The following CEP104 variants were observed in gnomAD, a reference collection of about 807,000 sequenced individuals.
CEP104 encodes the protein centrosomal protein 104.
A neutral mutation model predicts 113.3 loss-of-function variants in CEP104; 84 were observed. The ratio of observed to expected loss-of-function variants is 0.74; its 90% CI spans 0.62 to 0.89. The LOEUF (loss-of-function observed/expected upper bound fraction) is 0.89. CEP104 is among the 40% of genes least tolerant of loss of function. The pLI is 0.00. For missense variants in CEP104, 1,053 were observed against 1,156.6 expected (o/e 0.91, Z 1.30); for synonymous variants, 378 against 421.7 (o/e 0.90, Z 1.27).
chr1:3,813,808 C>T lies in CEP104; in HGVS notation c.*1594G>A, dbSNP rs1643833210. 1 of 151,992 alleles carries T rather than the reference C, an allele frequency of 6.6e-6. No homozygotes were observed. The highest frequency in any genetic ancestry group is 2.1e-4 in the South Asian group (1 of 4,808). 9.4% of individuals were successfully genotyped at this position (151,992 alleles called of 1,614,324 possible). On this transcript the variant is annotated 3_prime_UTR_variant, in exon 22 of 22. Coordinates refer to ENST00000378230, the MANE Select transcript of CEP104 (RefSeq NM_014704.4). Reference sequence around the variant, plus strand: ...GAGGTTACTGTGAGCCAAGATCACGCCATTGCACTGCAGCCCGGGCGACAC... The same window carrying T: ...GAGGTTACTGTGAGCCAAGATCACGTCATTGCACTGCAGCCCGGGCGACAC...
chr1:3,845,551 G>C (rs1644491500), intron 4 of CEP104, among the ~76,000 whole-genome samples, 200 bp from the exon 5 acceptor site: 1 of 152,112 alleles, frequency 6.6e-6, no homozygotes, highest in African/African-American at 2.4e-5. Flanking sequence ...GACTACAGGT[G>C]TGAGCCACCA....
rs928324801 is a variant in CEP104, at chr1:3,852,513, C to A, written c.-14-92G>T. 1.8e-5 allele frequency: 19 copies of A among 1,069,716 alleles called. No individual in the cohort carries two copies. In the African/African-American group the frequency reaches 2.4e-4, roughly 13 times the overall value. 66.3% of individuals were successfully genotyped at this position (1,069,716 alleles called of 1,614,324 possible). A position where few individuals can be genotyped will look rare whatever the true frequency, so the allele number is the denominator to read the frequency against. ...GGTTGGTTCATGCCTTGCTAACACACACAATAATGCACTAAGTATTCAGAA... is the reference window on the plus strand; with the variant it reads ...GGTTGGTTCATGCCTTGCTAACACAAACAATAATGCACTAAGTATTCAGAA... On this transcript the variant is annotated intron_variant, in intron 1 of 21. Coordinates refer to ENST00000378230, the MANE Select transcript of CEP104 (RefSeq NM_014704.4).
chr1:3,815,690 T>A (rs970156430), intron 21 of CEP104, among the ~76,000 whole-genome samples, 173 bp from the exon 22 acceptor site: 1 of 20,696 alleles, frequency 4.8e-5, no homozygotes, highest in African/African-American at 1.1e-3. Flanking sequence ...CAGCTTCCTA[T>A]TTTTTTTTTT....
chr1:3,845,372 C>A, intron 4 of CEP104, 21 bp from the exon 5 acceptor site: 1 of 1,523,538 alleles, frequency 6.6e-7, no homozygotes, highest in Non-Finnish European at 9.1e-7. Context: ...GTTAAAATAA[C>A]AGAATTAAAT....
chr1:3,847,287 G>T (rs1644524555), intron 4 of CEP104, among the ~76,000 whole-genome samples, 188 bp downstream of exon 4: 1 of 152,190 alleles, frequency 6.6e-6, no homozygotes, highest in Admixed American at 6.5e-5. Context: ...AGTTCGTGGT[G>T]GGCACTGGCC....
Position 3,814,030 on chromosome 1 carries a change from T to C in CEP104, c.*1372A>G, listed in dbSNP as rs1643836392. 1 of 152,242 alleles carries C rather than the reference T, an allele frequency of 6.6e-6. No homozygotes were observed. Among genetic ancestry groups the C allele is most frequent in the Non-Finnish European group, 1.5e-5 (1 of 68,056 alleles). 9.4% of individuals were successfully genotyped at this position (152,242 alleles called of 1,614,324 possible). The stretch of plus-strand genomic sequence containing the variant: ...AGGGAGTACATTGTTCAAATCGGGA[T>C]TAGTTTTTAGATATTTTGTTGTTTC... On this transcript the variant is annotated 3_prime_UTR_variant, in exon 22 of 22. Coordinates refer to ENST00000378230, the MANE Select transcript of CEP104 (RefSeq NM_014704.4).
At chr1:3,850,347 G>A (rs1314863318) in intron 2 of CEP104, among the ~76,000 whole-genome samples, 1 of 152,324 alleles carries the variant, frequency 6.6e-6, no homozygotes, top group African/African-American at 2.4e-5. Context: ...ATCCCTTCAA[G>A]ATAAATTGAC....
In CEP104 at chr1:3,848,613, T is replaced by C. The variant is rs927458775; in HGVS notation, c.282A>G (p.Arg94=). The C allele has an allele frequency of 6.2e-7, 1 of 1,607,078 alleles. No homozygotes were observed. Among genetic ancestry groups the C allele is most frequent in the Admixed American group, 1.7e-5 (1 of 57,976 alleles). Residue 94 remains arginine (R), a synonymous_variant, in exon 3 of 22, where the codon AGA becomes AGG. Coordinates refer to ENST00000378230, the MANE Select transcript of CEP104 (RefSeq NM_014704.4). ...ATTTTAAATTTCATTCTTACCCAAG[T>C]CTTCGAAACCGCTCTGCTTGATAGG... ...FAPYQAERFR[R]LGYVSLCDNE... is the part of the protein sequence containing the mutation.
At chr1:3,830,724 C>T (rs887829229) in intron 13 of CEP104, among the ~76,000 whole-genome samples, 4 of 148,486 alleles carry the variant, frequency 2.7e-5, no homozygotes, top group African/African-American at 1.0e-4. Flanking sequence ...TGCAGTGAGC[C>T]GAGATGGCAC....
In CEP104 at chr1:3,815,689, ATT is replaced by A. The variant is rs35136906; in HGVS notation, c.2663-174_2663-173del. On this transcript the variant is annotated intron_variant, in intron 21 of 21. Transcript: ENST00000378230. ...AGTAGGGTCTACTCTTCAGCTTCCT[ATT>A]TTTTTTTTTTTTGTTGAGACAGAGT... 1.2e-3 allele frequency among the ~76,000 whole-genome samples: 178 copies of A among 144,336 alleles called. 1 individual carries two copies. The highest frequency in any genetic ancestry group is 0.011 in the Middle Eastern group (3 of 282). 94.7% of individuals were successfully genotyped at this position (144,336 alleles called of 152,430 possible). A position where few individuals can be genotyped will look rare whatever the true frequency, so the allele number is the denominator to read the frequency against.
rs869025276 is a variant in CEP104, at chr1:3,839,606, A to G, written c.735+2T>C. 1.2e-6 allele frequency: 2 copies of G among 1,611,184 alleles called. No individual in the cohort carries two copies. Among genetic ancestry groups the G allele is most frequent in the Non-Finnish European group, 8.5e-7 (1 of 1,179,012 alleles). ...AGGAACTGTTTTCTCCAAAGGCAAT[A>G]CCTTTTGCAAATCAGCAATGGCTTG... On this transcript the variant is annotated splice_donor_variant, in intron 7 of 21. Coordinates refer to ENST00000378230, the MANE Select transcript of CEP104 (RefSeq NM_014704.4). LOFTEE classifies it high-confidence loss of function.
rs1210998786 is a variant in CEP104 at position 3,814,600 on chromosome 1, A to G, written c.*802T>C. The G allele has an allele frequency of 2.0e-5, 3 of 152,134 alleles. No individual in the cohort carries two copies. Among genetic ancestry groups the G allele is most frequent in the Non-Finnish European group, 4.4e-5 (3 of 68,030 alleles). The allele number at this position is 152,134 out of a possible 1,614,324, so 9.4% of individuals were successfully genotyped here. ...TGACTTCCTCCACATGTCTTTAGGAATTCGAAAGTGTGGAGAAAGTGAAGC... is the reference window on the plus strand; with the variant it reads ...TGACTTCCTCCACATGTCTTTAGGAGTTCGAAAGTGTGGAGAAAGTGAAGC... On this transcript the variant is annotated 3_prime_UTR_variant, in exon 22 of 22. Transcript: ENST00000378230.
Position 3,845,330 on chromosome 1 carries a change from T to C in CEP104, c.448A>G (p.Ile150Val). ...CTGAAATCTGCAGGGTCTCCAATGA[T>C]ATTTATGGCAACCAAAGCAACCTAA... ...YNQVALVAIN[I>V]IGDPADFSDE... The change falls in exon 5 of 22, where the codon ATC becomes GTC. Residue 150 changes from isoleucine (I) to valine (V), a missense_variant. Ile to Val is a conservative substitution (Grantham distance 29). Coordinates refer to ENST00000378230, the MANE Select transcript of CEP104 (RefSeq NM_014704.4). 2 of 1,609,096 alleles carry C rather than the reference T, an allele frequency of 1.2e-6. No individual in the cohort carries two copies. The highest frequency in any genetic ancestry group is 1.7e-5 in the Admixed American group (1 of 59,596).
At chr1:3,830,916 A>G in intron 13 of CEP104, 130 bp downstream of exon 13, 1 of 971,094 alleles carries the variant, frequency 1.0e-6, no homozygotes, top group Non-Finnish European at 1.5e-6. Context: ...GTTGGATGAA[A>G]CACTGGCTAT....
chr1:3,848,388 C>T lies in CEP104; in HGVS notation c.287+220G>A, dbSNP rs968902320. ...TCAACTAAAAATACAAAAAATTAGC[C>T]GGGCGTGATGGCGGGCACCTGTAGT... On this transcript the variant is annotated intron_variant, in intron 3 of 21. Transcript: ENST00000378230. Among the ~76,000 whole-genome samples, 8 of 151,748 alleles carry T rather than the reference C, an allele frequency of 5.3e-5. No homozygotes were observed. In the South Asian group the frequency reaches 1.0e-3, roughly 20 times the overall value.
rs370048229 is a variant in CEP104, at chr1:3,848,770, A to C, written c.125T>G (p.Phe42Cys). 2.4e-5 allele frequency: 39 copies of C among 1,607,304 alleles called. No homozygotes were observed. Among genetic ancestry groups the C allele is most frequent in the Non-Finnish European group, 3.2e-5 (38 of 1,178,214 alleles). ...SGWRSPRFCQFPQEIVLQMVE... is the reference protein window; with the variant it reads ...SGWRSPRFCQCPQEIVLQMVE... ...CATTTGAAGGACAATTTCTTGTGGA[A>C]ACTGGCAAAATCTGAAAGCAAACAC... The change falls in exon 3 of 22, where the codon TTT becomes TGT. Residue 42 changes from phenylalanine (F) to cysteine (C), a missense_variant. Physicochemically the swap from Phe to Cys is radical, Grantham distance 205 (BLOSUM62 -2). Transcript: ENST00000378230.
intron 3 of CEP104, among the ~76,000 whole-genome samples, chr1:3,848,260 C>T (rs1008820025): frequency 6.6e-5 from 10 of 152,026 alleles, no homozygotes; most frequent in African/African-American, 1.9e-4. Context: ...GGGCCGAGCG[C>T]GGTGACTCAC....
At chr1:3,838,571 G>A (rs570980349) in intron 8 of CEP104, among the ~76,000 whole-genome samples, 1 of 152,304 alleles carries the variant, frequency 6.6e-6, no homozygotes, top group East Asian at 1.9e-4. Flanking sequence ...CACCTTATGG[G>A]AAATATGTTC....
At chr1:3,834,153 G>A (rs571872191) in intron 11 of CEP104, 118 bp from the exon 12 acceptor site, 2 of 860,466 alleles carry the variant, frequency 2.3e-6, no homozygotes, top group Non-Finnish European at 3.6e-6. Flanking sequence ...CATCTCGTCT[G>A]AAAGGCTGAA....
Sources: gnomAD v4.1 joint callset for allele counts (sites outside exome capture counted in the v4.1 genomes callset) on GRCh38, gnomAD v4.1.1 for gene constraint, MANE v1.5 for transcripts, NCBI Gene and HGNC (gene_info 2026-07-23, HGNC 2026-07-21) for gene names.